LCA5L: variants seen among roughly 807,000 people sequenced by gnomAD.
LCA5L encodes lebercilin-like protein.
LCA5L carries 35 observed loss-of-function variants against 45.4 expected under a neutral mutation model. The observed-to-expected ratio is 0.77, with a 90% CI of 0.59 to 1.02. LCA5L has a LOEUF of 1.02. LCA5L is among the 50% of genes least tolerant of loss of function. The pLI, the probability that LCA5L is intolerant of heterozygous loss-of-function variation, is 0.00. For missense variants in LCA5L, 668 were observed against 761.6 expected (o/e 0.88, Z 1.45); for synonymous variants, 233 against 264.7 (o/e 0.88, Z 1.16).
intron 3 of LCA5L, among the ~76,000 whole-genome samples, chr21:39,431,189 C>T (rs2148026242): frequency 6.6e-6 from 1 of 152,326 alleles, no homozygotes; most frequent in East Asian, 1.9e-4. Flanking sequence ...TTACCGCCCT[C>T]TCCACGTGGA....
intron 8 of LCA5L, among the ~76,000 whole-genome samples, chr21:39,411,302 G>A (rs1317460613): frequency 1.3e-5 from 2 of 152,032 alleles, no homozygotes; most frequent in African/African-American, 2.4e-5. Flanking sequence ...TGGCTCCATC[G>A]GTATAAACAT....
At position 39,405,789 on chromosome 21, in the gene LCA5L, A is replaced by G. The variant is rs1158094726; in HGVS notation, c.*93T>C. ...ATTAAGTACTAAAACACACACATACATACACTCCCTCTCTCACACATTTCA... is the reference window on the plus strand; with the variant it reads ...ATTAAGTACTAAAACACACACATACGTACACTCCCTCTCTCACACATTTCA... On this transcript the variant is annotated 3_prime_UTR_variant, in exon 11 of 11. Coordinates refer to ENST00000288350, the MANE Select transcript of LCA5L (RefSeq NM_152505.4). 3 of 984,478 alleles carry G rather than the reference A, an allele frequency of 3.0e-6. No individual in the cohort carries two copies. Among genetic ancestry groups the G allele is most frequent in the South Asian group, 1.9e-5 (1 of 52,492 alleles). 61.0% of individuals were successfully genotyped at this position (984,478 alleles called of 1,614,324 possible). A position where few individuals can be genotyped will look rare whatever the true frequency, so the allele number is the denominator to read the frequency against.
intron 6 of LCA5L, chr21:39,422,135 G>A (rs780385079): frequency 1.4e-4 from 21 of 152,256 alleles, no homozygotes; most frequent in Non-Finnish European, 2.2e-4. Context: ...TTTAACAACA[G>A]AAGAAATAAC....
Position 39,409,976 on chromosome 21 carries a change from T to C in LCA5L, c.1282+3A>G, listed in dbSNP as rs1349174150. 1.4e-5 allele frequency: 20 copies of C among 1,440,896 alleles called. No homozygotes were observed. Among genetic ancestry groups the C allele is most frequent in the Non-Finnish European group, 1.7e-5 (18 of 1,029,032 alleles). 89.3% of individuals were successfully genotyped at this position (1,440,896 alleles called of 1,614,324 possible). A position where few individuals can be genotyped will look rare whatever the true frequency, so the allele number is the denominator to read the frequency against. ...AAGATAGACTTTAAAGAGTTAAAATTACCTTCATATTTTCTCTTAGAATCC... is the reference window on the plus strand; with the variant it reads ...AAGATAGACTTTAAAGAGTTAAAATCACCTTCATATTTTCTCTTAGAATCC... On this transcript the variant is annotated splice_donor_region_variant and intron_variant, in intron 10 of 10. Transcript: ENST00000288350. The surrounding 1 kb of genome is among the most constrained non-coding windows in gnomAD (Gnocchi z 4.2).
At chr21:39,417,293 G>A (rs985430615) in intron 7 of LCA5L, among the ~76,000 whole-genome samples, 4 of 152,150 alleles carry the variant, frequency 2.6e-5, no homozygotes, top group Non-Finnish European at 5.9e-5. Context: ...GCCCACCTTG[G>A]CCTCCCAAAG....
intron 7 of LCA5L, among the ~76,000 whole-genome samples, chr21:39,416,006 C>G (rs1283632610): frequency 2.0e-5 from 3 of 152,160 alleles, no homozygotes; most frequent in Non-Finnish European, 4.4e-5. Flanking sequence ...CTAGGAGCCA[C>G]TGATGATCAT....
At chr21:39,420,101 G>A (rs930412216) in intron 7 of LCA5L, among the ~76,000 whole-genome samples, 1 of 152,184 alleles carries the variant, frequency 6.6e-6, no homozygotes, top group East Asian at 1.9e-4. Context: ...CCTTGTTAAT[G>A]AATAGAGTTT....
At chr21:39,442,329 T>G (rs1013604358) in intron 2 of LCA5L, among the ~76,000 whole-genome samples, 8 of 151,752 alleles carry the variant, frequency 5.3e-5, no homozygotes, top group African/African-American at 1.9e-4. Flanking sequence ...CAGGCGGGGG[T>G]GAACAGCTGC....
chr21:39,411,637 C>T lies in LCA5L; in HGVS notation c.1060+81G>A. ...CTAATGAAGTGATTTTTGAAAATAT[C>T]CATTATTTTGTCTATATAAATTAGG... On this transcript the variant is annotated intron_variant, in intron 8 of 10. Transcript: ENST00000288350. 4.6e-6 allele frequency: 3 copies of T among 648,168 alleles called. No homozygotes were observed. In the East Asian group the frequency reaches 8.4e-5, roughly 18 times the overall value. 40.2% of individuals were successfully genotyped at this position (648,168 alleles called of 1,614,324 possible).
chr21:39,420,588 G>T, intron 7 of LCA5L, 118 bp downstream of exon 7: 1 of 678,304 alleles, frequency 1.5e-6, no homozygotes, highest in Non-Finnish European at 2.3e-6. Flanking sequence ...ACAAAGGGTA[G>T]AGGAGCCTTA....
At chr21:39,419,386 A>G (rs1038135644) in intron 7 of LCA5L, among the ~76,000 whole-genome samples, 1 of 152,016 alleles carries the variant, frequency 6.6e-6, no homozygotes, top group Admixed American at 6.6e-5. Flanking sequence ...TTAGCTGGGT[A>G]TGGTGGCATG....
At chr21:39,420,094 T>C (rs920327692) in intron 7 of LCA5L, among the ~76,000 whole-genome samples, 6 of 152,166 alleles carry the variant, frequency 3.9e-5, no homozygotes, top group African/African-American at 1.4e-4. Context: ...CAAGAAGCCT[T>C]GTTAATGAAT....
At chr21:39,417,064 GCT>G (rs1569082828) in intron 7 of LCA5L, among the ~76,000 whole-genome samples, 1 of 152,130 alleles carries the variant, frequency 6.6e-6, no homozygotes, top group African/African-American at 2.4e-5. Flanking sequence ...ACAGAGTCTC[GCT>G]CTGTCACCCA....
intron 2 of LCA5L, among the ~76,000 whole-genome samples, chr21:39,436,662 G>T (rs1296864070): frequency 6.6e-6 from 1 of 151,850 alleles, no homozygotes; most frequent in Admixed American, 6.6e-5. Flanking sequence ...TTTTATTTTT[G>T]CAGAGACGGG....
intron 6 of LCA5L, 141 bp downstream of exon 6, chr21:39,422,835 A>G: frequency 6.4e-6 from 5 of 780,512 alleles, no homozygotes; most frequent in Non-Finnish European, 1.0e-5. Flanking sequence ...CCTCTATTAG[A>G]CAACATAATT....
chr21:39,421,907 G>A lies in LCA5L; in HGVS notation c.838-1064C>T, dbSNP rs78146041. On this transcript the variant is annotated intron_variant, in intron 6 of 10. Coordinates refer to ENST00000288350, the MANE Select transcript of LCA5L (RefSeq NM_152505.4). Reference sequence around the variant, plus strand: ...GAAAATAGTTATGGAATTTGTTTTGGTTTTATGTATAGATATAAAAACATG... The same window carrying A: ...GAAAATAGTTATGGAATTTGTTTTGATTTTATGTATAGATATAAAAACATG... 646 of 152,186 alleles carry A rather than the reference G, an allele frequency of 4.2e-3. 4 individuals carry two copies. Among genetic ancestry groups the A allele is most frequent in the African/African-American group, 0.015 (633 of 41,526 alleles). 9.4% of individuals were successfully genotyped at this position (152,186 alleles called of 1,614,324 possible).
At position 39,433,801 on chromosome 21, in the gene LCA5L, A is replaced by C. The variant is rs958138216; in HGVS notation, c.-92+1619T>G. 2.4e-5 allele frequency among the ~76,000 whole-genome samples: 3 copies of C among 125,380 alleles called. No homozygotes were observed. The Admixed American group carries it at 2.6e-4, about 11-fold the overall frequency. 82.3% of individuals were successfully genotyped at this position (125,380 alleles called of 152,430 possible). ...TTTTTTTGAGAGAGGGTCTTCTTCT[A>C]TTGCCCAGGCTGGAGTGCAGTGGCA... On this transcript the variant is annotated intron_variant, in intron 3 of 10. Transcript: ENST00000288350.
In LCA5L at chr21:39,406,493, G is replaced by T. The variant is rs1246360439; in HGVS notation, c.1402C>A (p.Leu468Ile). The change falls in exon 11 of 11, where the codon CTA becomes ATA. Residue 468 changes from leucine to isoleucine, a missense_variant. Transcript: ENST00000288350. ...KNIFVKEEQE[L>I]PPKIIEVIHP... Reference sequence around the variant, plus strand: ...ATAACTTCAATTATTTTTGGTGGTAGTTCTTGCTCTTCTTTCACAAAAATG... The same window carrying T: ...ATAACTTCAATTATTTTTGGTGGTATTTCTTGCTCTTCTTTCACAAAAATG... 2.5e-6 allele frequency: 4 copies of T among 1,613,472 alleles called. No homozygotes were observed. The highest frequency in any genetic ancestry group is 2.5e-6 in the Non-Finnish European group (3 of 1,179,908).
intron 3 of LCA5L, among the ~76,000 whole-genome samples, chr21:39,433,499 CT>C (rs1167422266): frequency 6.6e-6 from 1 of 150,976 alleles, no homozygotes; most frequent in Non-Finnish European, 1.5e-5. Flanking sequence ...AGATATCCTC[CT>C]TTCTTTCTTC....
Sources: gnomAD v4.1 joint callset for allele counts (sites outside exome capture counted in the v4.1 genomes callset) on GRCh38, gnomAD v4.1.1 for gene constraint, Gnocchi (gnomAD v3.1) non-coding constraint, MANE v1.5 for transcripts, NCBI Gene and HGNC (gene_info 2026-07-23, HGNC 2026-07-21) for gene names.